The following PFKL variants were observed in gnomAD, a reference collection of about 807,000 sequenced individuals.
PFKL encodes phosphofructokinase, liver type.
In PFKL, 74 loss-of-function variants were observed where a neutral mutation model predicts 92.1. That is an observed-to-expected ratio of 0.80 (90% CI 0.67 to 0.97). The LOEUF (loss-of-function observed/expected upper bound fraction) is 0.97. Ranked by LOEUF, PFKL falls within the 50% of genes least tolerant of loss-of-function variation. The probability of loss-of-function intolerance (pLI) is 0.00; values close to 1 mark genes in which losing one functional copy is unlikely to be tolerated. For synonymous variants in PFKL, 494 were observed against 456.4 expected, an observed-to-expected ratio of 1.08 and a Z score of -1.05; for missense variants, 1,028 against 1,116.6, an observed-to-expected ratio of 0.92 and a Z score of 1.13.
chr21:44,324,371 TG>T (rs1442528717), intron 16 of PFKL, 119 bp from the exon 17 acceptor site: 1 of 996,720 alleles, frequency 1.0e-6, no homozygotes, highest in Non-Finnish European at 1.5e-6. Context: ...GCTGGCTGTC[TG>T]GGTGCGTCAG....
chr21:44,313,798 G>T (rs2047123261), intron 6 of PFKL, 115 bp from the exon 7 acceptor site: 1 of 1,331,768 alleles, frequency 7.5e-7, no homozygotes, highest in Admixed American at 2.0e-5. Context: ...AGAGAGCCGG[G>T]TGGGGGCCGG....
At chr21:44,325,878 G>A (rs1568974383) in intron 19 of PFKL, 83 bp from the exon 20 acceptor site, 7 of 976,890 alleles carry the variant, frequency 7.2e-6, no homozygotes, top group Middle Eastern at 4.3e-4. Context: ...GAGGCTCCCC[G>A]TGGGGATCCT....
Position 44,326,634 on chromosome 21 carries a change from G to A in PFKL, c.2196-81G>A, listed in dbSNP as rs927234292. On this transcript the variant is annotated intron_variant, in intron 21 of 21. Transcript: ENST00000349048. ...CATGCACAGGCTGCAGGGTCGGGGGGGGTGGGGGGGCTGGGGACGTGGCTG... is the reference window on the plus strand; with the variant it reads ...CATGCACAGGCTGCAGGGTCGGGGGAGGTGGGGGGGCTGGGGACGTGGCTG... The A allele has an allele frequency of 1.3e-5, 18 of 1,409,126 alleles. 1 individual carries two copies. The South Asian group carries it at 2.0e-4, about 16-fold the overall frequency. The allele number at this position is 1,409,126 out of a possible 1,614,324, so 87.3% of individuals were successfully genotyped here. A position where few individuals can be genotyped will look rare whatever the true frequency, so the allele number is the denominator to read the frequency against.
In PFKL at chr21:44,324,474, C is replaced by T. The variant is rs768238807; in HGVS notation, c.1651-17C>T. The stretch of plus-strand genomic sequence containing the variant: ...GGTGGGCACGTGGAGGACCCCCGAC[C>T]CCCCCTTGTCCCCCAGAGCTGTGAC... On this transcript the variant is annotated splice_polypyrimidine_tract_variant and intron_variant, in intron 16 of 21. Coordinates refer to ENST00000349048, the MANE Select transcript of PFKL (RefSeq NM_002626.6). 23 of 1,612,170 alleles carry T rather than the reference C, an allele frequency of 1.4e-5. No individual in the cohort carries two copies. Among genetic ancestry groups the T allele is most frequent in the Admixed American group, 1.3e-4 (8 of 59,908 alleles).
In PFKL at chr21:44,321,783, G is replaced by A. The variant is rs1424442891; in HGVS notation, c.1246G>A (p.Ala416Thr). The change falls in exon 13 of 22, where the codon GCG becomes ACG. Residue 416 changes from alanine to threonine, a missense_variant. Physicochemically the swap from Ala to Thr is moderately conservative, Grantham distance 58. Coordinates refer to ENST00000349048, the MANE Select transcript of PFKL (RefSeq NM_002626.6). ...NVGAPAAGMN[A>T]AVRSAVRTGI... is the part of the protein sequence containing the mutation. Reference sequence around the variant, plus strand: ...GGGGGCCCCGGCGGCTGGCATGAATGCGGCCGTGCGCTCGGCGGTGCGGAC... The same window carrying A: ...GGGGGCCCCGGCGGCTGGCATGAATACGGCCGTGCGCTCGGCGGTGCGGAC... 1 of 1,600,494 alleles carries A rather than the reference G, an allele frequency of 6.2e-7. No homozygotes were observed. The highest frequency in any genetic ancestry group is 2.3e-5 in the East Asian group (1 of 44,146).
At position 44,313,911 on chromosome 21, in the gene PFKL, A is replaced by G. The variant is rs1463957382; in HGVS notation, c.639-2A>G. The G allele has an allele frequency of 6.3e-7, 1 of 1,587,544 alleles. No individual in the cohort carries two copies. The highest frequency in any genetic ancestry group is 8.6e-7 in the Non-Finnish European group (1 of 1,169,572). On this transcript the variant is annotated splice_acceptor_variant, in intron 6 of 21. Coordinates refer to ENST00000349048, the MANE Select transcript of PFKL (RefSeq NM_002626.6). LOFTEE classifies it high-confidence loss of function. Reference sequence around the variant, plus strand: ...TGAGCAGGCAGGCGCTCGCTCCTCCAGGTACCTGGCGCTGGTATCTGCACT... The same window carrying G: ...TGAGCAGGCAGGCGCTCGCTCCTCCGGGTACCTGGCGCTGGTATCTGCACT...
At chr21:44,314,091 G>A in intron 7 of PFKL, 70 bp downstream of exon 7, 2 of 1,119,184 alleles carry the variant, frequency 1.8e-6, no homozygotes, top group Non-Finnish European at 2.6e-6. Context: ...TGGGGTTTTG[G>A]GACCAGCCTT....
At chr21:44,300,213 T>C in intron 1 of PFKL, 23 bp downstream of exon 1, 1 of 1,059,258 alleles carries the variant, frequency 9.4e-7, no homozygotes. Flanking sequence ...CCCGGCCGCG[T>C]CGCGGCGCAG....
chr21:44,324,544 C>T lies in PFKL; in HGVS notation c.1704C>T (p.Ile568=), dbSNP rs538447666. 25 of 1,613,478 alleles carry T rather than the reference C, an allele frequency of 1.5e-5. No individual in the cohort carries two copies. Among genetic ancestry groups the T allele is most frequent in the African/African-American group, 5.3e-5 (4 of 75,022 alleles). The change falls in exon 17 of 22, where the codon ATC becomes ATT. Residue 568 remains isoleucine (I), a synonymous_variant. Coordinates refer to ENST00000349048, the MANE Select transcript of PFKL (RefSeq NM_002626.6). ...SASGTKRRVF[I]VETMGGYCGY... ...CGGGGACCAAGCGCCGTGTGTTCAT[C>T]GTGGAGACCATGGGGGGTTACTGTG...
Position 44,316,441 on chromosome 21 carries a change from C to T in PFKL, c.853C>T (p.Gln285Ter). Residue 285 changes from glutamine (Q) to a stop codon, truncating the protein, a stop_gained, in exon 9 of 22, where the codon CAG becomes TAG. Coordinates refer to ENST00000349048, the MANE Select transcript of PFKL (RefSeq NM_002626.6). LOFTEE classifies it high-confidence loss of function. ...SSSYVKDLVV[Q>*]RLGFDTRVTV... is the part of the protein sequence containing the mutation. Reference sequence around the variant, plus strand: ...TCCCACTGTCCTGCAGCTGGTGGTTCAGAGGCTGGGCTTCGACACCCGTGT... The same window carrying T: ...TCCCACTGTCCTGCAGCTGGTGGTTTAGAGGCTGGGCTTCGACACCCGTGT... The T allele has an allele frequency of 6.2e-7, 1 of 1,611,886 alleles. No individual in the cohort carries two copies. The highest frequency in any genetic ancestry group is 8.5e-7 in the Non-Finnish European group (1 of 1,178,874).
At position 44,300,078 on chromosome 21, in the gene PFKL, G is replaced by A. The variant is rs1345630728; in HGVS notation, c.-28G>A. On this transcript the variant is annotated 5_prime_UTR_variant, in exon 1 of 22. Transcript: ENST00000349048. ...GACGCGGCGCAGGCGGCGGGAGTGC[G>A]AGCTGGGCCCGTGTTTCGGCCGCCG... 6 of 1,058,584 alleles carry A rather than the reference G, an allele frequency of 5.7e-6. No individual in the cohort carries two copies. The highest frequency in any genetic ancestry group is 1.8e-4 in the East Asian group (2 of 10,988). 65.6% of individuals were successfully genotyped at this position (1,058,584 alleles called of 1,614,324 possible).
chr21:44,301,354 C>T (rs1462401451), intron 1 of PFKL, among the ~76,000 whole-genome samples: 1 of 152,238 alleles, frequency 6.6e-6, no homozygotes, highest in African/African-American at 2.4e-5. Flanking sequence ...TTGCCGGCTA[C>T]TGGCAGTGTC....
At chr21:44,306,409 C>T (rs936420277) in intron 1 of PFKL, among the ~76,000 whole-genome samples, 1 of 152,192 alleles carries the variant, frequency 6.6e-6, no homozygotes, top group African/African-American at 2.4e-5. Flanking sequence ...CAGGGCTGGT[C>T]CTCAAGTTTC....
intron 19 of PFKL, chr21:44,325,627 A>G: frequency 2.1e-6 from 1 of 480,430 alleles, no homozygotes; most frequent in East Asian, 3.6e-5. Context: ...TTTCTGAGCC[A>G]GGGAGGGGAG....
In PFKL at chr21:44,311,023, G is replaced by A. The variant is rs2047025992; in HGVS notation, c.177G>A (p.Val59=). 1 of 1,613,034 alleles carries A rather than the reference G, an allele frequency of 6.2e-7. No individual in the cohort carries two copies. The highest frequency in any genetic ancestry group is 1.7e-5 in the Admixed American group (1 of 59,942). ...GATTTCAGGGCTATGAGGGCCTCGTGGAGGGAGGTGAGAACATCAAGCAGG... is the reference window on the plus strand; with the variant it reads ...GATTTCAGGGCTATGAGGGCCTCGTAGAGGGAGGTGAGAACATCAAGCAGG... ...FLIYEGYEGL[V]EGGENIKQAN... Residue 59 remains valine, a synonymous_variant, in exon 3 of 22, where the codon GTG becomes GTA. Transcript: ENST00000349048.
chr21:44,312,968 C>G lies in PFKL; in HGVS notation c.428-10C>G. 6.2e-7 allele frequency: 1 copy of G among 1,612,034 alleles called. No homozygotes were observed. The highest frequency in any genetic ancestry group is 8.5e-7 in the Non-Finnish European group (1 of 1,179,236). On this transcript the variant is annotated splice_polypyrimidine_tract_variant and intron_variant, in intron 4 of 21. Transcript: ENST00000349048. ...GCCTCAGCCAGGTCCTCCTGCTGCT[C>G]CTGGCCCAGGTAAGATCTCAGAGAC... is the stretch of plus-strand genomic sequence containing the variant.
At position 44,326,910 on chromosome 21, in the gene PFKL, A is replaced by AGCGCC; in HGVS notation, c.*49_*53dup. 6.5e-7 allele frequency: 1 copy of AGCGCC among 1,536,520 alleles called. No individual in the cohort carries two copies. The highest frequency in any genetic ancestry group is 8.9e-7 in the Non-Finnish European group (1 of 1,127,920). On this transcript the variant is annotated 3_prime_UTR_variant, in exon 22 of 22. Transcript: ENST00000349048. ...CCCCAGCCCCCACCCATGCCAGCGC[A>AGCGCC]GCGCCAGGGCTCAGATGGGGCCTGG... is the stretch of plus-strand genomic sequence containing the variant.
At chr21:44,315,783 C>T (rs149002072) in intron 7 of PFKL, 121 of 211,272 alleles carry the variant, frequency 5.7e-4, no homozygotes, top group South Asian at 1.1e-3. Context: ...GCCAGCGATG[C>T]GGGGCCCCTG....
intron 1 of PFKL, chr21:44,304,378 G>A: frequency 7.9e-7 from 1 of 1,271,978 alleles, no homozygotes; most frequent in South Asian, 1.3e-5. Flanking sequence ...AGACCAGAGA[G>A]GCCCTGTGGT....
Sources: allele counts gnomAD v4.1 joint callset (sites outside exome capture counted in the v4.1 genomes callset), GRCh38; gene constraint gnomAD v4.1.1; transcripts MANE v1.5; gene names NCBI Gene and HGNC (gene_info 2026-07-23, HGNC 2026-07-21).